The following ZC3H12B variants were observed in gnomAD, a reference collection of about 807,000 sequenced individuals.
ZC3H12B encodes the protein zinc finger CCCH-type containing 12B.
A neutral mutation model predicts 43.9 loss-of-function variants in ZC3H12B; 7 were observed. The ratio of observed to expected loss-of-function variants is 0.16; its 90% confidence interval spans 0.09 to 0.30. ZC3H12B has a LOEUF of 0.30. Ranked by LOEUF, ZC3H12B falls within the 10% of genes least tolerant of loss-of-function variation. The pLI, the probability that ZC3H12B is intolerant of heterozygous loss-of-function variation, is 1.00. For missense variants in ZC3H12B, 475 were observed against 670.2 expected (o/e 0.71, Z 3.22); for synonymous variants, 222 against 241.7 (o/e 0.92, Z 0.76).
At chrX:65,386,787 C>T (rs1030208961) in intron 2 of ZC3H12B, among the ~76,000 whole-genome samples, 7 of 111,166 alleles carry the variant, frequency 6.3e-5, no homozygotes, top group Non-Finnish European at 1.9e-5. Flanking sequence ...GCATTTAGTG[C>T]TATAAATTTC....
chrX:65,114,464 G>A, the ZC3H12B span, among the ~76,000 whole-genome samples: 1 of 110,094 alleles, frequency 9.1e-6, no homozygotes, highest in East Asian at 2.9e-4. Flanking sequence ...TGAATTTCTT[G>A]TGAGAGTTTC....
At chrX:65,312,714 C>T in the ZC3H12B span, among the ~76,000 whole-genome samples, 1 of 111,339 alleles carries the variant, frequency 9.0e-6, no homozygotes, top group Non-Finnish European at 1.9e-5. Flanking sequence ...GTCTCATTTC[C>T]CAGTTTAAAA....
chrX:65,227,598 G>GT, the ZC3H12B span, among the ~76,000 whole-genome samples: 1 of 111,479 alleles, frequency 9.0e-6, no homozygotes, highest in Admixed American at 9.5e-5. Flanking sequence ...CCAGTAGCTG[G>GT]TTTTTTGAAA....
At chrX:65,103,450 A>T in the ZC3H12B span, among the ~76,000 whole-genome samples, 2 of 111,744 alleles carry the variant, frequency 1.8e-5, no homozygotes, top group Non-Finnish European at 3.8e-5. Context: ...CTTTACAAAC[A>T]ATTTGTGCAG....
chrX:65,249,835 G>A, the ZC3H12B span, among the ~76,000 whole-genome samples: 21 of 93,519 alleles, frequency 2.2e-4, no homozygotes, highest in Non-Finnish European at 3.8e-4. Flanking sequence ...TATTGTAAAC[G>A]GGTTTCAGTT....
At chrX:65,187,917 T>G in the ZC3H12B span, among the ~76,000 whole-genome samples, 1 of 111,267 alleles carries the variant, frequency 9.0e-6, no homozygotes, top group Non-Finnish European at 1.9e-5. Flanking sequence ...CTAATTATAA[T>G]TTTGCATGCA....
the ZC3H12B span, among the ~76,000 whole-genome samples, chrX:65,182,753 T>G: frequency 7.3e-5 from 8 of 109,996 alleles, no homozygotes; most frequent in East Asian, 2.3e-3. Context: ...TATTTAAAAG[T>G]TTGCAAATGA....
the ZC3H12B span, among the ~76,000 whole-genome samples, chrX:65,213,047 T>C: frequency 1.8e-5 from 2 of 109,077 alleles, no homozygotes; most frequent in Admixed American, 2.0e-4. Context: ...TTCCCTACTC[T>C]CTTCTCCACC....
chrX:65,070,656 G>A, the ZC3H12B span, among the ~76,000 whole-genome samples: 1 of 110,563 alleles, frequency 9.0e-6, no homozygotes, highest in Non-Finnish European at 1.9e-5. Flanking sequence ...CAGTTTCAAA[G>A]AACTTCTTGA....
intron 3 of ZC3H12B, among the ~76,000 whole-genome samples, chrX:65,419,168 C>T (rs2066991486): frequency 8.9e-6 from 1 of 111,760 alleles, no homozygotes; most frequent in African/African-American, 3.3e-5. Flanking sequence ...TAGACATACT[C>T]AGCAGCTGGT....
At chrX:65,213,984 C>A in the ZC3H12B span, among the ~76,000 whole-genome samples, 4 of 110,444 alleles carry the variant, frequency 3.6e-5, no homozygotes, top group African/African-American at 6.6e-5. Context: ...TTTTCCAATA[C>A]AAATAAAAGT....
the ZC3H12B span, among the ~76,000 whole-genome samples, chrX:65,082,960 G>A: frequency 9.1e-6 from 1 of 110,114 alleles, no homozygotes; most frequent in African/African-American, 3.3e-5. Flanking sequence ...AAATACACAT[G>A]TCAATCAATG....
chrX:65,346,137 A>T, the ZC3H12B span, among the ~76,000 whole-genome samples: 1 of 111,304 alleles, frequency 9.0e-6, no homozygotes, highest in African/African-American at 3.3e-5. Flanking sequence ...TTCATATGGA[A>T]CCAAAGAAAC....
the ZC3H12B span, among the ~76,000 whole-genome samples, chrX:65,160,286 TA>T: frequency 8.9e-6 from 1 of 111,995 alleles, no homozygotes; most frequent in African/African-American, 3.2e-5. Context: ...TAAAATGAGT[TA>T]GGGAGGATTC....
In ZC3H12B at chrX:65,415,316, G is replaced by C. The variant is rs988140272; in HGVS notation, n.407+16612G>C. ...ACCCAACTTTGTTAATTCTCTCCTG[G>C]ATGGAGGAAAAGACATGGAAAGGAA... is the stretch of plus-strand genomic sequence containing the variant. On this transcript the variant is annotated intron_variant and non_coding_transcript_variant, in intron 3 of 5. Coordinates refer to the ZC3H12B transcript ENST00000617377. Among the ~76,000 whole-genome samples the C allele has an allele frequency of 2.7e-5, 3 of 112,627 alleles. No homozygotes were observed. In the Admixed American group the frequency reaches 2.8e-4, roughly 11 times the overall value.
chrX:65,291,626 G>T, the ZC3H12B span, among the ~76,000 whole-genome samples: 1 of 111,890 alleles, frequency 8.9e-6, no homozygotes, highest in South Asian at 3.6e-4. Context: ...TAAAATGGTG[G>T]TTGCTAAGGA....
the ZC3H12B span, among the ~76,000 whole-genome samples, chrX:65,310,930 A>T: frequency 8.9e-6 from 1 of 112,243 alleles, no homozygotes; most frequent in Non-Finnish European, 1.9e-5. Flanking sequence ...TGCTGGGAAA[A>T]CTGGCTAGCC....
the ZC3H12B span, among the ~76,000 whole-genome samples, chrX:65,261,454 C>T: frequency 9.0e-6 from 1 of 111,280 alleles, no homozygotes; most frequent in East Asian, 2.8e-4. Flanking sequence ...TTCTGTAAGA[C>T]ATTGACTTAA....
At chrX:65,166,902 T>C in the ZC3H12B span, among the ~76,000 whole-genome samples, 1 of 105,823 alleles carries the variant, frequency 9.4e-6, no homozygotes, top group Non-Finnish European at 1.9e-5. Flanking sequence ...TGATTTTTTC[T>C]TGTAAATTTG....
Sources: gnomAD v4.1 joint callset for allele counts (sites outside exome capture counted in the v4.1 genomes callset) on GRCh38, gnomAD v4.1.1 for gene constraint, MANE v1.5 for transcripts, NCBI Gene and HGNC (gene_info 2026-07-23, HGNC 2026-07-21) for gene names.